SMURF1: variants seen among roughly 807,000 people sequenced by gnomAD.
The protein encoded by SMURF1 is E3 ubiquitin-protein ligase SMURF1.
SMURF1 carries 44 observed loss-of-function variants against 98.0 expected under a neutral mutation model. The observed-to-expected ratio is 0.45, with a 90% confidence interval of 0.35 to 0.58. The LOEUF (loss-of-function observed/expected upper bound fraction) is 0.58. SMURF1 is among the 20% of genes least tolerant of loss of function. The pLI, the probability that SMURF1 is intolerant of heterozygous loss-of-function variation, is 0.00. For missense variants in SMURF1, 687 were observed against 938.4 expected, an observed-to-expected ratio of 0.73 and a Z score of 3.50; for synonymous variants, 396 against 374.9, an observed-to-expected ratio of 1.06 and a Z score of -0.65.
At chr7:99,124,090 C>T (rs913322258) in intron 1 of SMURF1, among the ~76,000 whole-genome samples, 4 of 152,200 alleles carry the variant, frequency 2.6e-5, no homozygotes, top group East Asian at 1.9e-4. Context: ...GACAAGAATA[C>T]GACCTATCTT....
intron 13 of SMURF1, among the ~76,000 whole-genome samples, chr7:99,039,823 G>A (rs949500809): frequency 8.5e-5 from 13 of 152,212 alleles, no homozygotes; most frequent in South Asian, 2.1e-4. Flanking sequence ...GCAAGGACCC[G>A]TGATAGTCAC....
intron 1 of SMURF1, among the ~76,000 whole-genome samples, chr7:99,065,109 C>CT (rs1296618717): frequency 1.6e-5 from 2 of 124,810 alleles, no homozygotes; most frequent in Non-Finnish European, 3.5e-5. Context: ...TTTTTTTTTT[C>CT]TTTTTTGAGA....
intron 1 of SMURF1, among the ~76,000 whole-genome samples, chr7:99,098,476 A>T (rs1797001616): frequency 6.6e-6 from 1 of 152,204 alleles, no homozygotes; most frequent in East Asian, 1.9e-4. Flanking sequence ...AACTTTTTTC[A>T]ATTTGACAAG....
At position 99,052,429 on chromosome 7, in the gene SMURF1, G is replaced by A. The variant is rs773473254; in HGVS notation, c.497C>T (p.Ser166Phe). 81 of 1,576,036 alleles carry A rather than the reference G, an allele frequency of 5.1e-5. No individual in the cohort carries two copies. Among genetic ancestry groups the A allele is most frequent in the Admixed American group, 3.2e-4 (18 of 56,022 alleles). The change falls in exon 7 of 18, where the codon TCC becomes TTC. Residue 166 changes from serine (S) to phenylalanine (F), a missense_variant. Transcript: ENST00000361368. The stretch of plus-strand genomic sequence containing the variant: ...GCAGCTGAGCGGCCTCCCAGGCCCG[G>A]AGTCTTCATACACCGTTCTGAAAGG... ...LENEGTVYED[S>F]GPGRPLSCFM...
intron 16 of SMURF1, among the ~76,000 whole-genome samples, chr7:99,034,156 G>C (rs990623051): frequency 1.3e-5 from 2 of 152,180 alleles, no homozygotes; most frequent in African/African-American, 4.8e-5. Flanking sequence ...CTCCTGGGGA[G>C]TCAGGACAGG....
intron 1 of SMURF1, among the ~76,000 whole-genome samples, chr7:99,127,357 C>T (rs1563041558): frequency 6.6e-6 from 1 of 151,854 alleles, no homozygotes; most frequent in Non-Finnish European, 1.5e-5. Context: ...AAGGAAGAGG[C>T]ATTTTAAAAA....
At position 99,030,318 on chromosome 7, in the gene SMURF1, C is replaced by T. The variant is rs1794830162; in HGVS notation, c.*266G>A. The T allele has an allele frequency of 4.4e-6, 2 of 456,270 alleles. No homozygotes were observed. Among genetic ancestry groups the T allele is most frequent in the Non-Finnish European group, 8.1e-6 (2 of 246,920 alleles). The allele number at this position is 456,270 out of a possible 1,614,324, so 28.3% of individuals were successfully genotyped here. A position where few individuals can be genotyped will look rare whatever the true frequency, so the allele number is the denominator to read the frequency against. On this transcript the variant is annotated 3_prime_UTR_variant, in exon 18 of 18. Transcript: ENST00000361368. ...AACACAGCAGAATATCCTGTGTGAC[C>T]AAAGCCAAAGGCTAAACCTGGCTGC... is the stretch of plus-strand genomic sequence containing the variant.
At chr7:99,099,030 T>C (rs1797013153) in intron 1 of SMURF1, among the ~76,000 whole-genome samples, 1 of 152,076 alleles carries the variant, frequency 6.6e-6, no homozygotes, top group African/African-American at 2.4e-5. Flanking sequence ...GATCATTCTA[T>C]AGAAAGAACA....
chr7:99,098,690 T>C (rs549229824), intron 1 of SMURF1, among the ~76,000 whole-genome samples: 1 of 152,238 alleles, frequency 6.6e-6, no homozygotes, highest in Non-Finnish European at 1.5e-5. Flanking sequence ...CAACTAAAAC[T>C]GGACAGATTT....
At position 99,028,172 on chromosome 7, in the gene SMURF1, T is replaced by C. The variant is rs986547329; in HGVS notation, c.*2412A>G. 6.6e-6 allele frequency: 1 copy of C among 151,060 alleles called. No homozygotes were observed. Among genetic ancestry groups the C allele is most frequent in the African/African-American group, 2.5e-5 (1 of 40,806 alleles). The allele number at this position is 151,060 out of a possible 1,614,324, so 9.4% of individuals were successfully genotyped here. The stretch of plus-strand genomic sequence containing the variant: ...AGGGGCAACACAGATCACACGTGAG[T>C]GGGCTTCGCGCGGACCCAAAGTAGA... On this transcript the variant is annotated 3_prime_UTR_variant, in exon 18 of 18. Transcript: ENST00000361368.
chr7:99,097,321 G>A (rs1033254274), intron 1 of SMURF1, among the ~76,000 whole-genome samples: 3 of 152,122 alleles, frequency 2.0e-5, no homozygotes, highest in East Asian at 1.9e-4. Context: ...AAGAGGTCAC[G>A]GCTCCGAATT....
intron 1 of SMURF1, among the ~76,000 whole-genome samples, chr7:99,117,181 T>A (rs1797476477): frequency 6.6e-6 from 1 of 152,076 alleles, no homozygotes; most frequent in Admixed American, 6.6e-5. Flanking sequence ...TGGACCCCCC[T>A]ATGTCACACT....
intron 6 of SMURF1, among the ~76,000 whole-genome samples, chr7:99,053,317 A>AC (rs1331158482): frequency 2.0e-5 from 3 of 151,878 alleles, no homozygotes; most frequent in Non-Finnish European, 4.4e-5. Flanking sequence ...CCCTGTGTCC[A>AC]CCCCTCCCAG....
chr7:99,073,903 T>G (rs1796392264), intron 1 of SMURF1, among the ~76,000 whole-genome samples: 1 of 152,238 alleles, frequency 6.6e-6, no homozygotes, highest in African/African-American at 2.4e-5. Context: ...AGTTCTTTTA[T>G]TGATTGTACT....
chr7:99,045,668 G>T, intron 11 of SMURF1, 30 bp downstream of exon 11: 1 of 1,549,706 alleles, frequency 6.5e-7, no homozygotes, highest in Non-Finnish European at 8.9e-7. Flanking sequence ...GATCCACACA[G>T]CAGAGAAGGT....
chr7:99,122,373 G>A (rs1176809292), intron 1 of SMURF1, among the ~76,000 whole-genome samples: 3 of 150,976 alleles, frequency 2.0e-5, no homozygotes, highest in Admixed American at 1.3e-4. Flanking sequence ...GCCGGGCGCA[G>A]TGGCTCACAC....
intron 1 of SMURF1, among the ~76,000 whole-genome samples, chr7:99,126,897 T>C (rs1453469363): frequency 6.6e-6 from 1 of 152,216 alleles, no homozygotes; most frequent in Middle Eastern, 3.2e-3. Flanking sequence ...CTGTGTGATG[T>C]AGAAACAAAT....
At chr7:99,095,153 C>T (rs1352137220) in intron 1 of SMURF1, among the ~76,000 whole-genome samples, 2 of 152,172 alleles carry the variant, frequency 1.3e-5, no homozygotes, top group African/African-American at 4.8e-5. Context: ...GATCTCGGCT[C>T]ACTGCAACCT....
At chr7:99,082,579 A>G (rs967367880) in intron 1 of SMURF1, among the ~76,000 whole-genome samples, 93 of 152,332 alleles carry the variant, frequency 6.1e-4, no homozygotes, top group Non-Finnish European at 1.2e-3. Context: ...CTCTATATCT[A>G]CGCTACTGTC....
Sources: allele counts gnomAD v4.1 joint callset (sites outside exome capture counted in the v4.1 genomes callset), GRCh38; gene constraint gnomAD v4.1.1; transcripts MANE v1.5; gene names NCBI Gene and HGNC (gene_info 2026-07-23, HGNC 2026-07-21).